The following XKR4 variants were observed in gnomAD, a reference collection of about 807,000 sequenced individuals.
XKR4 encodes XK-related protein 4.
XKR4 carries 12 observed loss-of-function variants against 53.9 expected under a neutral mutation model. The ratio of observed to expected loss-of-function variants is 0.22; its 90% CI spans 0.14 to 0.36. The LOEUF (loss-of-function observed/expected upper bound fraction) is 0.36. Among genes scored for constraint, XKR4 ranks in the 10% least tolerant of loss-of-function variants. XKR4 has a pLI of 1.00. For missense variants in XKR4, 799 were observed against 859.5 expected, an observed-to-expected ratio of 0.93 and a Z score of 0.88; for synonymous variants, 354 against 362.4, an observed-to-expected ratio of 0.98 and a Z score of 0.26.
At chr8:55,356,102 C>A (rs1215386385) in intron 1 of XKR4, among the ~76,000 whole-genome samples, 4 of 152,266 alleles carry the variant, frequency 2.6e-5, no homozygotes, top group East Asian at 3.9e-4. Flanking sequence ...TCCAGACAAC[C>A]AAATACTGTA....
chr8:55,119,750 G>T (rs1816365535), intron 1 of XKR4, among the ~76,000 whole-genome samples: 1 of 152,210 alleles, frequency 6.6e-6, no homozygotes, highest in African/African-American at 2.4e-5. Context: ...GTGTGAGTGA[G>T]GGGTGGACTT....
intron 1 of XKR4, among the ~76,000 whole-genome samples, chr8:55,326,765 C>G (rs1395298510): frequency 6.6e-6 from 1 of 151,848 alleles, no homozygotes; most frequent in Admixed American, 6.6e-5. Flanking sequence ...GCCACCACAT[C>G]CAGCCTACAA....
chr8:55,179,841 C>G (rs1217989287), intron 1 of XKR4, among the ~76,000 whole-genome samples: 1 of 152,044 alleles, frequency 6.6e-6, no homozygotes, highest in African/African-American at 2.4e-5. Context: ...CTGTGTTATT[C>G]CCACTAATAT....
chr8:55,178,716 C>A (rs960738821), intron 1 of XKR4, among the ~76,000 whole-genome samples: 1 of 152,160 alleles, frequency 6.6e-6, no homozygotes, highest in Non-Finnish European at 1.5e-5. Context: ...CTTCTTTTGA[C>A]CTCCATTTCC....
At chr8:55,267,064 G>T (rs1818614734) in intron 1 of XKR4, among the ~76,000 whole-genome samples, 1 of 152,160 alleles carries the variant, frequency 6.6e-6, no homozygotes, top group Non-Finnish European at 1.5e-5. Flanking sequence ...TGATGGGGTT[G>T]GTGCAGGAAG....
intron 1 of XKR4, among the ~76,000 whole-genome samples, chr8:55,308,849 A>G (rs1360426622): frequency 1.3e-5 from 2 of 152,202 alleles, no homozygotes; most frequent in Admixed American, 1.3e-4. Flanking sequence ...TGGCAATGGC[A>G]AATTAAAGTT....
intron 1 of XKR4, among the ~76,000 whole-genome samples, chr8:55,246,900 A>G (rs898473220): frequency 1.3e-5 from 2 of 152,004 alleles, no homozygotes; most frequent in Non-Finnish European, 2.9e-5. Context: ...CTCTTTATTC[A>G]CTGTGCTCTG....
intron 2 of XKR4, among the ~76,000 whole-genome samples, chr8:55,417,546 G>A (rs550005348): frequency 6.6e-6 from 1 of 152,214 alleles, no homozygotes; most frequent in South Asian, 2.1e-4. Flanking sequence ...TTGCAAACTG[G>A]TCATCACTCT....
chr8:55,130,324 G>A (rs1169022765), intron 1 of XKR4, among the ~76,000 whole-genome samples: 1 of 152,212 alleles, frequency 6.6e-6, no homozygotes, highest in Middle Eastern at 3.2e-3. Context: ...TGACATTTGA[G>A]CAGAAAGCTG....
At chr8:55,309,443 T>C (rs964536891) in intron 1 of XKR4, among the ~76,000 whole-genome samples, 2 of 152,340 alleles carry the variant, frequency 1.3e-5, no homozygotes, top group Admixed American at 6.5e-5. Context: ...GGAATAGATG[T>C]CATTATAAAA....
intron 1 of XKR4, among the ~76,000 whole-genome samples, chr8:55,217,114 C>T (rs1269616751): frequency 6.6e-6 from 1 of 150,948 alleles, no homozygotes; most frequent in Non-Finnish European, 1.5e-5. Context: ...TGGTGGCGGG[C>T]ACCTGTAGTC....
chr8:55,288,534 T>C (rs1460563928), intron 1 of XKR4, among the ~76,000 whole-genome samples: 2 of 152,356 alleles, frequency 1.3e-5, no homozygotes, highest in African/African-American at 2.4e-5. Context: ...GTATGCCAGA[T>C]AATAATGAAT....
intron 1 of XKR4, among the ~76,000 whole-genome samples, chr8:55,139,272 A>G (rs925897084): frequency 7.9e-5 from 12 of 152,148 alleles, no homozygotes; most frequent in African/African-American, 2.2e-4. Flanking sequence ...GCAGTGGCTC[A>G]TGCCTCTAAT....
At chr8:55,225,914 G>C (rs181698418) in intron 1 of XKR4, among the ~76,000 whole-genome samples, 4 of 152,338 alleles carry the variant, frequency 2.6e-5, no homozygotes, top group Admixed American at 1.3e-4. Context: ...AAGAAGTGAA[G>C]AGTATAGGAG....
rs1245572198 is a variant in XKR4, at chr8:55,500,196, AAAAAAAAAAC to A, written c.1007-23082_1007-23073del. Among the ~76,000 whole-genome samples the A allele has an allele frequency of 4.0e-4, 44 of 110,500 alleles. No individual in the cohort carries two copies. In the East Asian group the frequency reaches 4.5e-3, roughly 11 times the overall value. The allele number at this position is 110,500 out of a possible 152,430, so 72.5% of individuals were successfully genotyped here. On this transcript the variant is annotated intron_variant, in intron 2 of 2. Coordinates refer to ENST00000327381, the MANE Select transcript of XKR4 (RefSeq NM_052898.2). ...CAAATTGGGCCAAAAAAAAAAAAAA[AAAAAAAAAAC>A]AATGTAACAAGAACATTGCAGCAAC...
chr8:55,501,471 C>A (rs1196964067), intron 2 of XKR4, among the ~76,000 whole-genome samples: 1 of 125,608 alleles, frequency 8.0e-6, no homozygotes, highest in Non-Finnish European at 1.6e-5. Context: ...CCCCTCACCT[C>A]CAGCCCCTGG....
At position 55,154,940 on chromosome 8, in the gene XKR4, C is replaced by T. The variant is rs150055582; in HGVS notation, c.806+51646C>T. On this transcript the variant is annotated intron_variant, in intron 1 of 2. Transcript: ENST00000327381. ...CAGCCCATAAAATGTCGCTGGTGTA[C>T]GACGTGAGGACCAAATCAGGGAACG... 2.1e-3 allele frequency among the ~76,000 whole-genome samples: 323 copies of T among 152,170 alleles called. 1 individual carries two copies. The highest frequency in any genetic ancestry group is 3.6e-3 in the Non-Finnish European group (245 of 67,992).
At chr8:55,292,793 T>A (rs188561611) in intron 1 of XKR4, among the ~76,000 whole-genome samples, 1 of 152,326 alleles carries the variant, frequency 6.6e-6, no homozygotes, top group African/African-American at 2.4e-5. Context: ...CTCTCAGTAC[T>A]GTGTTAACTA....
intron 1 of XKR4, among the ~76,000 whole-genome samples, chr8:55,133,264 G>A (rs1816583224): frequency 6.6e-6 from 1 of 152,200 alleles, no homozygotes; most frequent in African/African-American, 2.4e-5. Flanking sequence ...AGTTTGGAAA[G>A]AAAACTTTTT....
Sources: allele counts gnomAD v4.1 joint callset (sites outside exome capture counted in the v4.1 genomes callset), GRCh38; gene constraint gnomAD v4.1.1; transcripts MANE v1.5; gene names NCBI Gene and HGNC (gene_info 2026-07-23, HGNC 2026-07-21).